The following SGCZ variants were observed in gnomAD, a reference collection of about 807,000 sequenced individuals.
The protein encoded by SGCZ is sarcoglycan zeta.
A neutral mutation model predicts 41.3 loss-of-function variants in SGCZ; 40 were observed. That is an observed-to-expected ratio of 0.97 (90% CI 0.75 to 1.26). The LOEUF (loss-of-function observed/expected upper bound fraction) is 1.26, where lower values mean the gene tolerates loss of function less well. SGCZ is among the 50% of genes most tolerant of loss of function. SGCZ has a pLI of 0.00. For missense variants in SGCZ, 552 were observed against 369.8 expected, an observed-to-expected ratio of 1.49 and a Z score of -4.04; for synonymous variants, 206 against 137.5, an observed-to-expected ratio of 1.50 and a Z score of -3.49.
In SGCZ at chr8:14,085,680, G is replaced by A. The variant is rs1288701165; in HGVS notation, c.*4763C>T. 1.3e-5 allele frequency among the ~76,000 whole-genome samples: 2 copies of A among 151,636 alleles called. No homozygotes were observed. The highest frequency in any genetic ancestry group is 2.4e-5 in the African/African-American group (1 of 41,344). On this transcript the variant is annotated 3_prime_UTR_variant, in exon 8 of 8. Transcript: ENST00000382080. ...CCATGCTGGGCCCATTTTGGGATAC[G>A]GTCTTTGCATATAGGTTTTATGAAT...
chr8:14,428,127 CACACACAT>C (rs529969412), intron 2 of SGCZ, among the ~76,000 whole-genome samples: 1,642 of 6,730 alleles, frequency 0.24, 28 homozygotes, highest in Middle Eastern at 0.4. Flanking sequence ...CACACACACA[CACACACAT>C]ATATATATAT....
At chr8:14,478,321 C>T (rs1801419750) in intron 2 of SGCZ, among the ~76,000 whole-genome samples, 1 of 152,194 alleles carries the variant, frequency 6.6e-6, no homozygotes, top group Admixed American at 6.5e-5. Context: ...AACTGTAACA[C>T]ACTCAGATAA....
intron 1 of SGCZ, among the ~76,000 whole-genome samples, chr8:14,576,114 C>T (rs912864714): frequency 6.6e-6 from 1 of 152,056 alleles, no homozygotes; most frequent in African/African-American, 2.4e-5. Context: ...TATTTCCGGA[C>T]AGTAATTGAT....
intron 1 of SGCZ, among the ~76,000 whole-genome samples, chr8:14,566,457 A>G (rs1804363468): frequency 6.6e-6 from 1 of 152,196 alleles, no homozygotes; most frequent in Non-Finnish European, 1.5e-5. Flanking sequence ...TCTGCTCTCC[A>G]CTGGCGGATC....
intron 2 of SGCZ, among the ~76,000 whole-genome samples, chr8:14,412,679 C>G (rs1435100995): frequency 2.0e-5 from 3 of 151,958 alleles, no homozygotes; most frequent in Admixed American, 2.0e-4. Flanking sequence ...GGAATTACAA[C>G]CAACCATGGT....
chr8:14,890,614 TG>T (rs1395700337), intron 1 of SGCZ, among the ~76,000 whole-genome samples: 2 of 152,230 alleles, frequency 1.3e-5, no homozygotes, highest in Admixed American at 1.3e-4. Context: ...CAGCAAGTGC[TG>T]AAGTAGACAC....
chr8:14,581,416 T>C (rs1193204953), intron 1 of SGCZ, among the ~76,000 whole-genome samples: 1 of 152,086 alleles, frequency 6.6e-6, no homozygotes, highest in South Asian at 2.1e-4. Flanking sequence ...GCCCGGCCTT[T>C]GCTTACTATG....
intron 2 of SGCZ, among the ~76,000 whole-genome samples, chr8:14,403,290 C>A (rs1365296462): frequency 2.7e-5 from 4 of 150,248 alleles, no homozygotes; most frequent in Non-Finnish European, 5.9e-5. Flanking sequence ...TTTCCTTCTC[C>A]TGCCTCACTG....
At chr8:14,957,325 G>C (rs1296380404) in intron 1 of SGCZ, among the ~76,000 whole-genome samples, 1 of 151,922 alleles carries the variant, frequency 6.6e-6, no homozygotes, top group African/African-American at 2.4e-5. Context: ...TAAAACTTTT[G>C]TAGTAAAGTA....
At chr8:15,148,703 T>A (rs542761278) in intron 1 of SGCZ, among the ~76,000 whole-genome samples, 26 of 152,342 alleles carry the variant, frequency 1.7e-4, no homozygotes, top group African/African-American at 5.3e-4. Flanking sequence ...CAGGTGACAC[T>A]GATACGAGTT....
At chr8:14,419,482 CATT>C (rs1799582718) in intron 2 of SGCZ, among the ~76,000 whole-genome samples, 1 of 151,794 alleles carries the variant, frequency 6.6e-6, no homozygotes, top group Admixed American at 6.6e-5. Flanking sequence ...TTTTTTGTCT[CATT>C]ATACTTTTGC....
chr8:14,573,655 A>T (rs1346481336), intron 1 of SGCZ, among the ~76,000 whole-genome samples: 1 of 152,128 alleles, frequency 6.6e-6, no homozygotes, highest in Non-Finnish European at 1.5e-5. Flanking sequence ...TTATGGCAGG[A>T]GAGACTGGTT....
chr8:14,872,390 G>C (rs775797327), intron 1 of SGCZ, among the ~76,000 whole-genome samples: 16 of 151,774 alleles, frequency 1.1e-4, no homozygotes, highest in Non-Finnish European at 7.4e-5. Context: ...AAAATTATTA[G>C]TGTTTTTGCT....
intron 1 of SGCZ, among the ~76,000 whole-genome samples, chr8:14,826,966 T>G (rs937310564): frequency 1.3e-5 from 2 of 152,274 alleles, no homozygotes; most frequent in East Asian, 3.9e-4. Context: ...ATTTTGGCTT[T>G]TGTTGCCATT....
At chr8:14,341,833 C>T (rs574762949) in intron 2 of SGCZ, among the ~76,000 whole-genome samples, 137 of 152,242 alleles carry the variant, frequency 9.0e-4, no homozygotes, top group Non-Finnish European at 5.1e-4. Flanking sequence ...CTTCAGCTCC[C>T]GCCATGATTC....
In SGCZ at chr8:14,629,814, T is replaced by G. The variant is rs115104147; in HGVS notation, c.40-74888A>C. Among the ~76,000 whole-genome samples the G allele has an allele frequency of 5.2e-3, 786 of 152,178 alleles. 7 individuals are homozygous for G. Among genetic ancestry groups the G allele is most frequent in the African/African-American group, 0.016 (661 of 41,540 alleles). ...CTATTAATATGTAAAATTGAGATGC[T>G]TCATGACTCAAAGAGCTCCTTTTCA... On this transcript the variant is annotated intron_variant, in intron 1 of 7. Transcript: ENST00000382080.
intron 3 of SGCZ, among the ~76,000 whole-genome samples, chr8:14,260,764 G>A (rs1799633879): frequency 6.6e-6 from 1 of 152,164 alleles, no homozygotes; most frequent in Non-Finnish European, 1.5e-5. Flanking sequence ...ATACTATGCA[G>A]TCATAAACAA....
At chr8:15,020,060 G>C (rs1395254066) in intron 1 of SGCZ, among the ~76,000 whole-genome samples, 1 of 151,652 alleles carries the variant, frequency 6.6e-6, no homozygotes, top group African/African-American at 2.4e-5. Flanking sequence ...ATGGATTATA[G>C]CATCCTCCAT....
At chr8:14,857,514 T>A (rs1269923021) in intron 1 of SGCZ, among the ~76,000 whole-genome samples, 2 of 152,200 alleles carry the variant, frequency 1.3e-5, no homozygotes, top group African/African-American at 4.8e-5. Flanking sequence ...ATAGTAATAG[T>A]TCACAGGGCG....
Sources: allele counts gnomAD v4.1 joint callset (sites outside exome capture counted in the v4.1 genomes callset), GRCh38; gene constraint gnomAD v4.1.1; transcripts MANE v1.5; gene names NCBI Gene and HGNC (gene_info 2026-07-23, HGNC 2026-07-21).